DOCK2: variants seen among roughly 807,000 people sequenced by gnomAD.
The protein encoded by DOCK2 is dedicator of cytokinesis 2.
In DOCK2, 87 loss-of-function variants were observed where a neutral mutation model predicts 248.9. That is an observed-to-expected ratio of 0.35 (90% CI 0.29 to 0.42). The LOEUF (loss-of-function observed/expected upper bound fraction) is 0.42, where lower values mean the gene tolerates loss of function less well. Among genes scored for constraint, DOCK2 ranks in the 10% least tolerant of loss-of-function variants. The pLI, the probability that DOCK2 is intolerant of heterozygous loss-of-function variation, is 1.00. For missense variants in DOCK2, 1,747 were observed against 2,300.2 expected, an observed-to-expected ratio of 0.76 and a Z score of 4.92; for synonymous variants, 805 against 821.6, an observed-to-expected ratio of 0.98 and a Z score of 0.35.
Position 169,803,171 on chromosome 5 carries a change from A to G in DOCK2, c.2668A>G (p.Asn890Asp). The change falls in exon 26 of 52, where the codon AAC (asparagine) becomes GAC (aspartate). Residue 890 changes from asparagine to aspartate, a missense_variant. Asn to Asp is a conservative substitution (Grantham distance 23). Coordinates refer to ENST00000520908, the MANE Select transcript of DOCK2 (RefSeq NM_004946.3). ...LERKYCVELLNSILEVLSYQD... is the reference protein window; with the variant it reads ...LERKYCVELLDSILEVLSYQD... ...GAGGAAGTACTGCGTTGAATTGCTC[A>G]ACAGCATCTTGGAAGTCCTTAGCTA... 3 of 1,614,090 alleles carry G rather than the reference A, an allele frequency of 1.9e-6. No individual in the cohort carries two copies. Among genetic ancestry groups the G allele is most frequent in the Non-Finnish European group, 1.7e-6 (2 of 1,179,994 alleles).
At chr5:170,079,542 C>A in intron 49 of DOCK2, 2 of 194,312 alleles carry the variant, frequency 1.0e-5, no homozygotes, top group South Asian at 2.2e-4. Context: ...ATGTCTCAGA[C>A]CCCTGCAAGC....
chr5:170,046,812 A>G (rs1171048811), intron 39 of DOCK2, among the ~76,000 whole-genome samples: 1 of 151,904 alleles, frequency 6.6e-6, no homozygotes, highest in African/African-American at 2.4e-5. Context: ...AGCACACACT[A>G]ATGTATGTGC....
intron 27 of DOCK2, among the ~76,000 whole-genome samples, chr5:169,906,797 G>A (rs142238195): frequency 2.9e-3 from 442 of 152,310 alleles, no homozygotes; most frequent in African/African-American, 0.01. Flanking sequence ...GGGTGGTTCT[G>A]GTTTAAGCTC....
chr5:170,075,394 A>G (rs1259533061), intron 46 of DOCK2: 1 of 152,408 alleles, frequency 6.6e-6, no homozygotes, highest in Non-Finnish European at 1.5e-5. Flanking sequence ...AGAGCTCCCT[A>G]CTGGGGGGTT....
intron 22 of DOCK2, among the ~76,000 whole-genome samples, chr5:169,739,907 AAG>A (rs1220912967): frequency 6.6e-6 from 1 of 152,230 alleles, no homozygotes; most frequent in African/African-American, 2.4e-5. Flanking sequence ...GGAAGAAAGA[AAG>A]AGAGATAGAG....
Position 170,082,811 on chromosome 5 carries a change from G to T in DOCK2, c.5446G>T (p.Ala1816Ser), listed in dbSNP as rs144315682. 2.4e-3 allele frequency: 3,890 copies of T among 1,614,154 alleles called. 7 individuals are homozygous for T. The highest frequency in any genetic ancestry group is 3.0e-3 in the Non-Finnish European group (3,496 of 1,180,022). The part of the protein sequence containing the change: ...FFKTMLASKS[A>S]EEGKQIPDSL... ...CTCTCAAAAGCTGGCCAGCAAATCG[G>T]CTGAAGAAGGCAAACAGATCCCAGA... is the stretch of plus-strand genomic sequence containing the variant. The change falls in exon 52 of 52, where the codon GCT becomes TCT. Residue 1816 changes from alanine to serine, a missense_variant. This residue lies in a region of DOCK2 where 513 missense variants were observed against 586.1 expected (regional missense o/e 0.88). Coordinates refer to ENST00000520908, the MANE Select transcript of DOCK2 (RefSeq NM_004946.3).
At chr5:169,975,590 T>C (rs1777688489) in intron 27 of DOCK2, among the ~76,000 whole-genome samples, 1 of 152,174 alleles carries the variant, frequency 6.6e-6, no homozygotes, top group Non-Finnish European at 1.5e-5. Flanking sequence ...TGCCAGATTT[T>C]TGCATGACCC....
At chr5:169,855,321 T>C (rs1770828990) in intron 27 of DOCK2, among the ~76,000 whole-genome samples, 2 of 152,180 alleles carry the variant, frequency 1.3e-5, no homozygotes, top group Non-Finnish European at 1.5e-5. Flanking sequence ...CTGTGGTAGA[T>C]AGGTAATGGA....
intron 27 of DOCK2, among the ~76,000 whole-genome samples, chr5:169,846,980 C>G (rs1770353836): frequency 6.6e-6 from 1 of 152,112 alleles, no homozygotes; most frequent in Non-Finnish European, 1.5e-5. Context: ...TGTTACTTCA[C>G]TTAGAATAAT....
In DOCK2 at chr5:170,041,127, C is replaced by A. The variant is rs771448474; in HGVS notation, c.3738C>A (p.Leu1246=). The A allele has an allele frequency of 2.4e-5, 38 of 1,614,004 alleles. No homozygotes were observed. The Admixed American group carries it at 6.0e-4, about 25-fold the overall frequency. ...CAGAGGCTGCCTACACGCTCCTTCT[C>A]CACACCTGGCTTCTCAAGGTACAGT... The part of the protein sequence containing the change: ...NYTEAAYTLL[L]HTWLLKWSDE... Residue 1246 remains leucine, a synonymous_variant, in exon 37 of 52, where the codon CTC becomes CTA. Coordinates refer to ENST00000520908, the MANE Select transcript of DOCK2 (RefSeq NM_004946.3).
intron 2 of DOCK2, among the ~76,000 whole-genome samples, chr5:169,657,569 A>G (rs1308155511): frequency 6.6e-6 from 1 of 152,232 alleles, no homozygotes; most frequent in African/African-American, 2.4e-5. Flanking sequence ...AATTTCTTGT[A>G]GAAGGGACAA....
In DOCK2 at chr5:170,076,089, G is replaced by A. The variant is rs1193474849; in HGVS notation, c.4866+5G>A. ...GAGTACGGTGTCCGAGAGATGGTAT[G>A]GGTGGTTCCTATGGCTTGGAGGGGT... On this transcript the variant is annotated splice_donor_5th_base_variant and intron_variant, in intron 47 of 51. Transcript: ENST00000520908. The A allele has an allele frequency of 1.9e-6, 3 of 1,613,810 alleles. No individual in the cohort carries two copies. The African/African-American group carries it at 4.0e-5, about 22-fold the overall frequency.
chr5:169,897,571 G>A (rs1773684145), intron 27 of DOCK2, among the ~76,000 whole-genome samples: 1 of 152,190 alleles, frequency 6.6e-6, no homozygotes, highest in Non-Finnish European at 1.5e-5. Context: ...TGTATCAAGT[G>A]GGAAGTAGGG....
chr5:169,769,602 C>T (rs1255484598), intron 25 of DOCK2, among the ~76,000 whole-genome samples: 3 of 152,198 alleles, frequency 2.0e-5, no homozygotes, highest in Non-Finnish European at 4.4e-5. Flanking sequence ...GAGGAGTTTG[C>T]TAAAATTGCA....
intron 27 of DOCK2, among the ~76,000 whole-genome samples, chr5:169,901,010 A>G (rs190090780): frequency 1.1e-3 from 168 of 152,340 alleles, no homozygotes; most frequent in Middle Eastern, 3.4e-3. Flanking sequence ...TATTAAGTGA[A>G]CAAACATCCA....
chr5:169,800,466 C>T (rs1766897907), intron 25 of DOCK2, among the ~76,000 whole-genome samples: 1 of 152,190 alleles, frequency 6.6e-6, no homozygotes, highest in Non-Finnish European at 1.5e-5. Flanking sequence ...CTGTATCAGG[C>T]ACTTGAATAT....
chr5:169,810,981 TCTCTCTCTCACA>T (rs760018834), intron 26 of DOCK2, among the ~76,000 whole-genome samples: 23,231 of 141,566 alleles, frequency 0.16, 1,957 homozygotes, highest in Admixed American at 0.23. Flanking sequence ...ACTCTCTCTC[TCTCTCTCTCACA>T]CACACACACA....
Position 169,702,444 on chromosome 5 carries a change from T to C in DOCK2, c.1383+17T>C. On this transcript the variant is annotated intron_variant, in intron 14 of 51. Transcript: ENST00000520908. ...ACGCTGCCTGTAAGGGACTCACTGC[T>C]GCTCTGGGTGACAGGGTCCGCCTTG... The C allele has an allele frequency of 6.2e-7, 1 of 1,613,222 alleles. No homozygotes were observed. The highest frequency in any genetic ancestry group is 1.7e-4 in the Middle Eastern group (1 of 6,024).
chr5:169,699,443 G>A lies in DOCK2; in HGVS notation c.1117G>A (p.Asp373Asn). The change falls in exon 12 of 52, where the codon GAC becomes AAC. Residue 373 changes from aspartate to asparagine, a missense_variant. Coordinates refer to ENST00000520908, the MANE Select transcript of DOCK2 (RefSeq NM_004946.3). ...GGGCAAAGTCATAGCCTCCAAGGGGGACAGTGGAGGGCAAGGTAAAGTGCC... is the reference window on the plus strand; with the variant it reads ...GGGCAAAGTCATAGCCTCCAAGGGGAACAGTGGAGGGCAAGGTAAAGTGCC... Reference protein sequence around the residue: ...LLGKVIASKGDSGGQGLWVTM... With the variant: ...LLGKVIASKGNSGGQGLWVTM... 1 of 1,613,090 alleles carries A rather than the reference G, an allele frequency of 6.2e-7. No homozygotes were observed. The highest frequency in any genetic ancestry group is 1.3e-5 in the African/African-American group (1 of 75,030).
Sources: gnomAD v4.1 joint callset for allele counts (sites outside exome capture counted in the v4.1 genomes callset) on GRCh38, gnomAD v4.1.1 for gene constraint, gnomAD v4.1.1 regional missense constraint, MANE v1.5 for transcripts, NCBI Gene and HGNC (gene_info 2026-07-23, HGNC 2026-07-21) for gene names.